ZNF10: variants seen among roughly 807,000 people sequenced by gnomAD.
The protein encoded by ZNF10 is zinc finger protein 10 (KOX 1).
In ZNF10, 8 loss-of-function variants were observed where a neutral mutation model predicts 12.2. The observed-to-expected ratio is 0.66, with a 90% CI of 0.39 to 1.18. The LOEUF (loss-of-function observed/expected upper bound fraction) is 1.18. ZNF10 is among the 50% of genes most tolerant of loss of function. The pLI is 0.01. For missense variants in ZNF10, 603 were observed against 678.9 expected (o/e 0.89, Z 1.24); for synonymous variants, 229 against 228.2 (o/e 1.00, Z -0.03).
At chr12:133,137,750 A>G (rs1254543229) in intron 1 of ZNF10, among the ~76,000 whole-genome samples, 1 of 152,198 alleles carries the variant, frequency 6.6e-6, no homozygotes, top group Non-Finnish European at 1.5e-5. Flanking sequence ...AGAGCTAGGA[A>G]TATAAGTGTT....
intron 1 of ZNF10, among the ~76,000 whole-genome samples, chr12:133,138,101 A>G (rs533855690): frequency 1.3e-5 from 2 of 152,188 alleles, no homozygotes; most frequent in East Asian, 1.9e-4. Context: ...ATCTCTTGGT[A>G]TGGGACCCAG....
In ZNF10 at chr12:133,144,465, A is replaced by G. The variant is rs1308280814; in HGVS notation, c.-28A>G. The G allele has an allele frequency of 5.6e-6, 9 of 1,613,156 alleles. No homozygotes were observed. The highest frequency in any genetic ancestry group is 1.1e-5 in the South Asian group (1 of 91,018). ...CTCCTCAGCACTCTGCTGTCACTCA[A>G]GGAAGTATCATCAAGAACAAGGAGG... On this transcript the variant is annotated 5_prime_UTR_variant, in exon 2 of 5. Transcript: ENST00000248211.
intron 1 of ZNF10, chr12:133,139,297 G>A (rs1369628939): frequency 1.3e-5 from 2 of 152,202 alleles, no homozygotes; most frequent in Non-Finnish European, 2.9e-5. Flanking sequence ...CATGGGTAAG[G>A]TTTTACCAAG....
At chr12:133,138,329 T>G (rs1955924399) in intron 1 of ZNF10, among the ~76,000 whole-genome samples, 1 of 151,822 alleles carries the variant, frequency 6.6e-6, no homozygotes, top group African/African-American at 2.4e-5. Flanking sequence ...GTTTTGTTTT[T>G]TTTTTAATGA....
chr12:133,133,698 A>G (rs893695432), intron 1 of ZNF10, among the ~76,000 whole-genome samples: 27 of 152,194 alleles, frequency 1.8e-4, no homozygotes, highest in African/African-American at 6.0e-4. Flanking sequence ...AAAAGGGTCC[A>G]GAACGTTGTT....
chr12:133,132,579 C>A (rs1258318238), intron 1 of ZNF10, among the ~76,000 whole-genome samples: 2 of 145,010 alleles, frequency 1.4e-5, no homozygotes, highest in Admixed American at 6.7e-5. Flanking sequence ...GTTGTGCCTA[C>A]AAGAGACTCT....
intron 2 of ZNF10, among the ~76,000 whole-genome samples, chr12:133,149,352 CTTTTTTTTT>C (rs144304054): frequency 1.2e-5 from 1 of 85,806 alleles, no homozygotes; most frequent in African/African-American, 4.9e-5. Flanking sequence ...TTTGCTATTG[CTTTTTTTTT>C]TTTTTTTTTT....
chr12:133,137,691 G>T (rs1955920299), intron 1 of ZNF10, among the ~76,000 whole-genome samples: 1 of 152,138 alleles, frequency 6.6e-6, no homozygotes, highest in Admixed American at 6.5e-5. Flanking sequence ...GCTGCTTGAG[G>T]TAAGGGATTA....
intron 1 of ZNF10, among the ~76,000 whole-genome samples, chr12:133,135,625 C>G (rs1566343648): frequency 2.0e-5 from 3 of 152,166 alleles, no homozygotes; most frequent in African/African-American, 7.2e-5. Flanking sequence ...TGACTCTTAC[C>G]CCTTGTTCTC....
chr12:133,143,423 C>T (rs1469228788), intron 1 of ZNF10: 1 of 151,524 alleles, frequency 6.6e-6, no homozygotes, highest in Non-Finnish European at 1.5e-5. Flanking sequence ...TTGAATTGTA[C>T]CATATGGCTC....
intron 1 of ZNF10, among the ~76,000 whole-genome samples, chr12:133,132,874 C>T (rs1955888791): frequency 6.6e-6 from 1 of 152,168 alleles, no homozygotes; most frequent in African/African-American, 2.4e-5. Context: ...ACTTATAAAC[C>T]TTCCCATCTA....
intron 1 of ZNF10, among the ~76,000 whole-genome samples, chr12:133,131,184 C>T (rs1955872875): frequency 2.0e-5 from 3 of 150,044 alleles, no homozygotes; most frequent in African/African-American, 2.5e-5. Context: ...ACAAATCCTG[C>T]ATCTCTAGCT....
At position 133,157,911 on chromosome 12, in the gene ZNF10, C is replaced by T. The variant is rs758807419; in HGVS notation, c.*943C>T. ...CATTTGAACATATCAGGGAGGGTCC[C>T]CATTTTAGTGGGAACAAGTATTTAA... On this transcript the variant is annotated 3_prime_UTR_variant, in exon 5 of 5. Coordinates refer to ENST00000248211, the MANE Select transcript of ZNF10 (RefSeq NM_015394.5). The T allele has an allele frequency of 2.0e-5, 3 of 152,022 alleles. No homozygotes were observed. The highest frequency in any genetic ancestry group is 7.3e-5 in the African/African-American group (3 of 41,344). The allele number at this position is 152,022 out of a possible 1,614,324, so 9.4% of individuals were successfully genotyped here.
In ZNF10 at chr12:133,156,335, G is replaced by A. The variant is rs1267340293; in HGVS notation, c.1089G>A (p.Arg363=). Residue 363 remains arginine (R), a synonymous_variant, in exon 5 of 5, where the codon AGG becomes AGA. Coordinates refer to ENST00000248211, the MANE Select transcript of ZNF10 (RefSeq NM_015394.5). The stretch of plus-strand genomic sequence containing the variant: ...GGAAATCTTTTGTTCATAGCTCTAG[G>A]CTTATTAGACACCAGAGGACACATA... ...QCGKSFVHSS[R]LIRHQRTHTG... 3 of 1,613,902 alleles carry A rather than the reference G, an allele frequency of 1.9e-6. No homozygotes were observed. Among genetic ancestry groups the A allele is most frequent in the African/African-American group, 2.7e-5 (2 of 74,878 alleles).
rs1956052748 is a variant in ZNF10, at chr12:133,158,043, G to A, written c.*1075G>A. The A allele has an allele frequency of 6.6e-6, 1 of 152,328 alleles. No homozygotes were observed. Among genetic ancestry groups the A allele is most frequent in the Non-Finnish European group, 1.5e-5 (1 of 68,034 alleles). The allele number at this position is 152,328 out of a possible 1,614,324, so 9.4% of individuals were successfully genotyped here. ...TTTATAAAGAAAGATTAGTGTTTAAGAGCGTAGACTTGAGCTAGACTACCC... is the reference window on the plus strand; with the variant it reads ...TTTATAAAGAAAGATTAGTGTTTAAAAGCGTAGACTTGAGCTAGACTACCC... On this transcript the variant is annotated 3_prime_UTR_variant, in exon 5 of 5. Coordinates refer to ENST00000248211, the MANE Select transcript of ZNF10 (RefSeq NM_015394.5).
rs1441577587 is a variant in ZNF10 at position 133,151,073 on chromosome 12, G to C, written c.79G>C (p.Glu27Gln). 6.2e-7 allele frequency: 1 copy of C among 1,613,612 alleles called. No homozygotes were observed. Among genetic ancestry groups the C allele is most frequent in the Non-Finnish European group, 8.5e-7 (1 of 1,179,688 alleles). ...TGTATTTGTGGACTTCACCAGGGAGGAGTGGAAGCTGCTGGACACTGCTCA... is the reference window on the plus strand; with the variant it reads ...TGTATTTGTGGACTTCACCAGGGAGCAGTGGAAGCTGCTGGACACTGCTCA... The part of the protein sequence containing the change: ...KDVFVDFTRE[E>Q]WKLLDTAQQI... Residue 27 changes from glutamate (E) to glutamine (Q), a missense_variant, in exon 3 of 5, where the codon GAG becomes CAG. Around this residue, in one of 3 missense-constraint regions of ZNF10, gnomAD observed 393 missense variants for 399.7 expected, o/e 0.98. Transcript: ENST00000248211.
chr12:133,147,444 A>T (rs920128364), intron 2 of ZNF10, among the ~76,000 whole-genome samples: 2 of 152,228 alleles, frequency 1.3e-5, no homozygotes, highest in Admixed American at 1.3e-4. Context: ...ACCCTTTCTA[A>T]TAAGTGTCTT....
At position 133,151,157 on chromosome 12, in the gene ZNF10, A is replaced by G; in HGVS notation, c.160+3A>G. 1 of 1,611,394 alleles carries G rather than the reference A, an allele frequency of 6.2e-7. No individual in the cohort carries two copies. Among genetic ancestry groups the G allele is most frequent in the Non-Finnish European group, 8.5e-7 (1 of 1,178,306 alleles). The stretch of plus-strand genomic sequence containing the variant: ...CTATAAGAACCTGGTTTCCTTGGGT[A>G]AGACTAGCTCTGTTTTTGAAGATTT... On this transcript the variant is annotated splice_donor_region_variant and intron_variant, in intron 3 of 4. Transcript: ENST00000248211.
chr12:133,157,992 C>A lies in ZNF10; in HGVS notation c.*1024C>A, dbSNP rs1348265542. 1 of 152,074 alleles carries A rather than the reference C, an allele frequency of 6.6e-6. No individual in the cohort carries two copies. Among genetic ancestry groups the A allele is most frequent in the Non-Finnish European group, 1.5e-5 (1 of 68,016 alleles). 9.4% of individuals were successfully genotyped at this position (152,074 alleles called of 1,614,324 possible). On this transcript the variant is annotated 3_prime_UTR_variant, in exon 5 of 5. Transcript: ENST00000248211. ...TAAACAGAGCACAGTCCAAAGATAC[C>A]CTCTTTCTCAAGGTAGTCTTTTATC...
Sources: gnomAD v4.1 joint callset for allele counts (sites outside exome capture counted in the v4.1 genomes callset) on GRCh38, gnomAD v4.1.1 for gene constraint, gnomAD v4.1.1 regional missense constraint, MANE v1.5 for transcripts, NCBI Gene and HGNC (gene_info 2026-07-23, HGNC 2026-07-21) for gene names.